CRIP2: variants seen among roughly 807,000 people sequenced by gnomAD.
The protein encoded by CRIP2 is cysteine rich protein 2.
CRIP2 carries 31 observed loss-of-function variants against 31.3 expected under a neutral mutation model. That is an observed-to-expected ratio of 0.99 (90% CI 0.74 to 1.34). The LOEUF (loss-of-function observed/expected upper bound fraction) is 1.34, where lower values mean the gene tolerates loss of function less well. Ranked by LOEUF, CRIP2 falls within the 40% of genes most tolerant of loss-of-function variation. The pLI, the probability that CRIP2 is intolerant of heterozygous loss-of-function variation, is 0.00. For synonymous variants in CRIP2, 177 were observed against 127.2 expected (o/e 1.39, Z -2.63); for missense variants, 389 against 301.6 (o/e 1.29, Z -2.15).
intron 1 of CRIP2, chr14:105,477,695 GTGTCT>G (rs1555436111): frequency 1.3e-6 from 1 of 785,644 alleles, no homozygotes; most frequent in African/African-American, 1.9e-5. Context: ...AAGCGGGTGT[GTGTCT>G]GAGGAAGCGG....
rs1426080784 is a variant in CRIP2 at position 105,479,671 on chromosome 14, G to A, written c.*18G>A. On this transcript the variant is annotated 3_prime_UTR_variant, in exon 8 of 8. Transcript: ENST00000329146. Reference sequence around the variant, plus strand: ...AGCCCTAGGCTACAGCGGCTCTCATGATGTGGGCTCACCTGCGCCCCAGAC... The same window carrying A: ...AGCCCTAGGCTACAGCGGCTCTCATAATGTGGGCTCACCTGCGCCCCAGAC... 3.1e-6 allele frequency: 5 copies of A among 1,608,304 alleles called. No homozygotes were observed. Among genetic ancestry groups the A allele is most frequent in the Non-Finnish European group, 4.2e-6 (5 of 1,178,140 alleles).
rs2084046222 is a variant in CRIP2 at position 105,479,612 on chromosome 14, T to C, written c.586T>C (p.Tyr196His). The C allele has an allele frequency of 6.2e-7, 1 of 1,612,776 alleles. No homozygotes were observed. Among genetic ancestry groups the C allele is most frequent in the Non-Finnish European group, 8.5e-7 (1 of 1,179,934 alleles). Residue 196 changes from tyrosine to histidine, a missense_variant, in exon 8 of 8, where the codon TAC becomes CAC. By Grantham distance (83) the Tyr-to-His change is moderately conservative (BLOSUM62 2). Transcript: ENST00000329146. ...AGTGAACACCGGTGCGGTGGGCAGC[T>C]ACATCTATGACCGGGACCCCGAAGG... is the stretch of plus-strand genomic sequence containing the variant. ...KGVNTGAVGS[Y>H]IYDRDPEGKV...
intron 1 of CRIP2, among the ~76,000 whole-genome samples, chr14:105,477,763 TGTGTGTGTGAGAGGAAG>T (rs2083971167): frequency 4.4e-4 from 1 of 2,284 alleles, no homozygotes; most frequent in Admixed American, 7.1e-3. Context: ...GGGAGGCGGG[TGTGTGTGTGAGAGGAAG>T]GTGTGTGGGA....
In CRIP2 at chr14:105,478,240, A is replaced by T; in HGVS notation, c.44-26A>T. ...GGGTGCGGGGCGCGCCCCGGCCCTGACCCCCCTGCCGCCCCTCCCGCTCAG... is the reference window on the plus strand; with the variant it reads ...GGGTGCGGGGCGCGCCCCGGCCCTGTCCCCCCTGCCGCCCCTCCCGCTCAG... On this transcript the variant is annotated intron_variant, in intron 1 of 7. Coordinates refer to ENST00000329146, the MANE Select transcript of CRIP2 (RefSeq NM_001312.4). The surrounding 1 kb of genome is among the most constrained non-coding windows in gnomAD (Gnocchi z 4.9). The T allele has an allele frequency of 6.7e-7, 1 of 1,495,940 alleles. No individual in the cohort carries two copies. The highest frequency in any genetic ancestry group is 8.9e-7 in the Non-Finnish European group (1 of 1,119,920). The allele number at this position is 1,495,940 out of a possible 1,614,324, so 92.7% of individuals were successfully genotyped here. A position where few individuals can be genotyped will look rare whatever the true frequency, so the allele number is the denominator to read the frequency against.
intron 1 of CRIP2, chr14:105,477,548 G>A: frequency 1.0e-6 from 1 of 984,356 alleles, no homozygotes; most frequent in Non-Finnish European, 1.2e-6. Context: ...TCAGTGCGAG[G>A]CAGGTGTGAG....
chr14:105,477,631 G>A, intron 1 of CRIP2: 1 of 929,182 alleles, frequency 1.1e-6, no homozygotes, highest in Non-Finnish European at 1.2e-6. Context: ...GTGTTTGAGG[G>A]AATGACAGGT....
intron 6 of CRIP2, 23 bp from the exon 7 acceptor site, chr14:105,479,413 T>C (rs2084038703): frequency 6.2e-7 from 1 of 1,612,406 alleles, no homozygotes; most frequent in Non-Finnish European, 8.5e-7. Context: ...GACTCCTCCC[T>C]CAGCACCCAC....
chr14:105,476,615 CCCAGAGCTGG>C, intron 1 of CRIP2: 2 of 985,518 alleles, frequency 2.0e-6, no homozygotes, highest in Non-Finnish European at 2.4e-6. Flanking sequence ...TGGCCCACGT[CCCAGAGCTGG>C]CCAGAGCACA....
In CRIP2 at chr14:105,478,934, T is replaced by G. The variant is rs587689663; in HGVS notation, c.338-45T>G. ...ACGCGCGGGCTGGGGCTGGGGGTTGTGGGCACCCCCGGCCCCGCCCCGCCC... is the reference window on the plus strand; with the variant it reads ...ACGCGCGGGCTGGGGCTGGGGGTTGGGGGCACCCCCGGCCCCGCCCCGCCC... On this transcript the variant is annotated intron_variant, in intron 4 of 7. Transcript: ENST00000329146. This position sits in a 1 kb window ranked among gnomAD's most constrained non-coding sequence, Gnocchi z 4.9. 127 of 1,527,550 alleles carry G rather than the reference T, an allele frequency of 8.3e-5. No individual in the cohort carries two copies. In the African/African-American group the frequency reaches 1.6e-3, roughly 19 times the overall value. 94.6% of individuals were successfully genotyped at this position (1,527,550 alleles called of 1,614,324 possible). A position where few individuals can be genotyped will look rare whatever the true frequency, so the allele number is the denominator to read the frequency against.
In CRIP2 at chr14:105,474,851, G is replaced by A; in HGVS notation, c.-12G>A. ...ACGGGCGGAGGGCGCGGGCCGACCGGGCGCACCGACCATGGCCTCCAAATG... is the reference window on the plus strand; with the variant it reads ...ACGGGCGGAGGGCGCGGGCCGACCGAGCGCACCGACCATGGCCTCCAAATG... On this transcript the variant is annotated 5_prime_UTR_variant, in exon 1 of 8. Coordinates refer to ENST00000329146, the MANE Select transcript of CRIP2 (RefSeq NM_001312.4). This position sits in a 1 kb window ranked among gnomAD's most constrained non-coding sequence, Gnocchi z 5.1. 2 of 1,486,580 alleles carry A rather than the reference G, an allele frequency of 1.3e-6. No homozygotes were observed. The highest frequency in any genetic ancestry group is 1.8e-6 in the Non-Finnish European group (2 of 1,114,250). The allele number at this position is 1,486,580 out of a possible 1,614,324, so 92.1% of individuals were successfully genotyped here.
At chr14:105,479,528 C>T (rs781900033) in intron 7 of CRIP2, 35 bp downstream of exon 7, 25 of 1,612,638 alleles carry the variant, frequency 1.6e-5, no homozygotes, top group African/African-American at 2.7e-5. Context: ...GATGTCTTCC[C>T]TGCCCTCCCC....
At chr14:105,473,487 C>G, upstream of CRIP2, 1 of 1,535,542 alleles carries the variant, frequency 6.5e-7, no homozygotes, top group Non-Finnish European at 8.7e-7. Flanking sequence ...CACAAACATG[C>G]CTGGTGCACC....
At chr14:105,474,679 C>G, upstream of CRIP2, 1 of 695,456 alleles carries the variant, frequency 1.4e-6, no homozygotes, top group Non-Finnish European at 1.8e-6. This position sits in a 1 kb window ranked among gnomAD's most constrained non-coding sequence, Gnocchi z 5.1. Flanking sequence ...CCACCCCCGG[C>G]AGGTGCGCCC....
intron 6 of CRIP2, 32 bp downstream of exon 6, chr14:105,479,251 G>C (rs2084032300): frequency 1.3e-6 from 2 of 1,584,944 alleles, no homozygotes; most frequent in African/African-American, 1.3e-5. Context: ...TTGGGGGCCG[G>C]GCAGGGGCGC....
chr14:105,473,349 C>T (rs998048875), upstream of CRIP2: 17 of 1,534,802 alleles, frequency 1.1e-5, no homozygotes, highest in Non-Finnish European at 1.5e-5. Context: ...GGGCATGTTT[C>T]TGGCCTGCTG....
chr14:105,478,886 G>A lies in CRIP2; in HGVS notation c.337+15G>A, dbSNP rs1257936236. On this transcript the variant is annotated intron_variant, in intron 4 of 7. Coordinates refer to ENST00000329146, the MANE Select transcript of CRIP2 (RefSeq NM_001312.4). This position sits in a 1 kb window ranked among gnomAD's most constrained non-coding sequence, Gnocchi z 4.9. ...GCCCAGCAGAGGTGGGCTGGGCGCG[G>A]GCTGGGGCTGGGGGTTGTGGGCACG... 4 of 1,450,960 alleles carry A rather than the reference G, an allele frequency of 2.8e-6. No homozygotes were observed. The African/African-American group carries it at 4.4e-5, about 16-fold the overall frequency. 89.9% of individuals were successfully genotyped at this position (1,450,960 alleles called of 1,614,324 possible).
At chr14:105,473,600 G>T (rs1595446419), upstream of CRIP2, 3 of 1,428,186 alleles carry the variant, frequency 2.1e-6, no homozygotes, top group South Asian at 2.8e-5. Context: ...TGATCACTGG[G>T]CTTCTGGGAT....
At position 105,478,251 on chromosome 14, in the gene CRIP2, G is replaced by A. The variant is rs782785183; in HGVS notation, c.44-15G>A. On this transcript the variant is annotated splice_polypyrimidine_tract_variant and intron_variant, in intron 1 of 7. Transcript: ENST00000329146. The surrounding 1 kb of genome is among the most constrained non-coding windows in gnomAD (Gnocchi z 4.9). ...GCGCCCCGGCCCTGACCCCCCTGCC[G>A]CCCCTCCCGCTCAGCCGAGAAGGTG... 9 of 1,523,814 alleles carry A rather than the reference G, an allele frequency of 5.9e-6. No individual in the cohort carries two copies. Among genetic ancestry groups the A allele is most frequent in the Admixed American group, 4.1e-5 (2 of 49,168 alleles). The allele number at this position is 1,523,814 out of a possible 1,614,324, so 94.4% of individuals were successfully genotyped here. A position where few individuals can be genotyped will look rare whatever the true frequency, so the allele number is the denominator to read the frequency against.
At chr14:105,474,112 C>T (rs955223648), upstream of CRIP2, 2 of 155,516 alleles carry the variant, frequency 1.3e-5, no homozygotes, top group Non-Finnish European at 1.4e-5. This position sits in a 1 kb window ranked among gnomAD's most constrained non-coding sequence, Gnocchi z 5.1. Context: ...CCCCACACCC[C>T]CTACCAGCAG....
Sources: gnomAD v4.1 joint callset for allele counts (sites outside exome capture counted in the v4.1 genomes callset) on GRCh38, gnomAD v4.1.1 for gene constraint, Gnocchi (gnomAD v3.1) non-coding constraint, MANE v1.5 for transcripts, NCBI Gene and HGNC (gene_info 2026-07-23, HGNC 2026-07-21) for gene names.